SLC39A11: variants seen among roughly 807,000 people sequenced by gnomAD.
SLC39A11 encodes the protein zinc transporter ZIP11.
Under a neutral mutation model 36.1 loss-of-function variants are expected in SLC39A11, and 33 were observed. That is an observed-to-expected ratio of 0.91 (90% CI 0.69 to 1.22). The LOEUF (loss-of-function observed/expected upper bound fraction) is 1.22, where lower values mean the gene tolerates loss of function less well. Among genes scored for constraint, SLC39A11 ranks in the 50% most tolerant of loss-of-function variants. SLC39A11 has a pLI of 0.00. For missense variants in SLC39A11, 432 were observed against 430.3 expected (o/e 1.00, Z -0.03); for synonymous variants, 166 against 170.3 (o/e 0.97, Z 0.20).
At chr17:72,788,215 C>T (rs1052836412) in intron 6 of SLC39A11, among the ~76,000 whole-genome samples, 3 of 152,200 alleles carry the variant, frequency 2.0e-5, no homozygotes, top group Admixed American at 6.5e-5. Flanking sequence ...ACATCCTGGA[C>T]CCCTCGACCA....
chr17:73,004,232 A>AAAGAAAGAAAGAAAGAAAGAAAG lies in SLC39A11; in HGVS notation c.306+27323_306+27324insCTTTCTTTCTTTCTTTCTTTCTT. ...GAAAGAAAGAAAGAAAGAAAGAAAG[A>AAAGAAAGAAAGAAAGAAAGAAAG]AAAGAAAGAAAGAGAAAAAGCAAGC... On this transcript the variant is annotated intron_variant, in intron 4 of 9. Transcript: ENST00000255559. Among the ~76,000 whole-genome samples the AAAGAAAGAAAGAAAGAAAGAAAG allele has an allele frequency of 2.1e-4, 19 of 88,708 alleles. 1 individual carries two copies. The highest frequency in any genetic ancestry group is 8.0e-4 in the African/African-American group (19 of 23,714). 58.2% of individuals were successfully genotyped at this position (88,708 alleles called of 152,430 possible).
intron 6 of SLC39A11, among the ~76,000 whole-genome samples, chr17:72,786,727 T>A (rs536398391): frequency 2.9e-4 from 44 of 152,216 alleles, no homozygotes; most frequent in African/African-American, 1.0e-3. Flanking sequence ...GATTAAGGGA[T>A]TCTTGTACTG....
chr17:73,026,515 A>T (rs2058558935), intron 4 of SLC39A11, among the ~76,000 whole-genome samples: 3 of 130,628 alleles, frequency 2.3e-5, no homozygotes. Context: ...GCGAAACTAC[A>T]TCAAAAAAAA....
chr17:72,716,969 A>G (rs1213869328), intron 7 of SLC39A11, among the ~76,000 whole-genome samples: 1 of 82,522 alleles, frequency 1.2e-5, no homozygotes, highest in African/African-American at 1.1e-4. Context: ...ACCCTGTCTC[A>G]AAAAAAAAAA....
chr17:72,661,176 C>G lies in SLC39A11; in HGVS notation c.672-11908G>C, dbSNP rs544786187. ...TCCCTTAGTCCAAAGCCAGTGGTCA[C>G]TCTCAAAGCTCACTGTTGCACAATT... On this transcript the variant is annotated intron_variant, in intron 7 of 9. Coordinates refer to ENST00000255559, the MANE Select transcript of SLC39A11 (RefSeq NM_139177.4). Among the ~76,000 whole-genome samples the G allele has an allele frequency of 4.9e-4, 74 of 152,318 alleles. No individual in the cohort carries two copies. In the South Asian group the frequency reaches 0.015, roughly 31 times the overall value.
chr17:73,053,352 G>A (rs1265053795), intron 3 of SLC39A11, among the ~76,000 whole-genome samples: 1 of 151,980 alleles, frequency 6.6e-6, no homozygotes, highest in African/African-American at 2.4e-5. Flanking sequence ...GATAAAAGAG[G>A]TAAGTAGTAA....
chr17:72,821,161 T>C (rs1236322064), intron 6 of SLC39A11, among the ~76,000 whole-genome samples: 1 of 150,518 alleles, frequency 6.6e-6, no homozygotes, highest in Non-Finnish European at 1.5e-5. Context: ...GAGATCATCA[T>C]GCAGTAGGGT....
At chr17:72,906,371 G>A (rs1378620832) in intron 5 of SLC39A11, among the ~76,000 whole-genome samples, 1 of 152,278 alleles carries the variant, frequency 6.6e-6, no homozygotes, top group African/African-American at 2.4e-5. Context: ...CACCACGGGT[G>A]AGAAGGACAC....
chr17:72,697,303 G>A (rs191667615), intron 7 of SLC39A11, among the ~76,000 whole-genome samples: 2 of 152,230 alleles, frequency 1.3e-5, no homozygotes, highest in African/African-American at 4.8e-5. Context: ...GGCTGGTCTC[G>A]AACTCCTGAA....
At chr17:72,821,401 G>C (rs1333472990) in intron 6 of SLC39A11, among the ~76,000 whole-genome samples, 1 of 149,484 alleles carries the variant, frequency 6.7e-6, no homozygotes, top group East Asian at 1.9e-4. Context: ...AGCTACTCAG[G>C]AGGCGGAGGC....
intron 6 of SLC39A11, among the ~76,000 whole-genome samples, chr17:72,738,319 T>C (rs962697145): frequency 3.3e-5 from 5 of 152,172 alleles, no homozygotes; most frequent in Admixed American, 6.5e-5. Flanking sequence ...AGCATTTTTA[T>C]ATGACTGCTC....
intron 4 of SLC39A11, among the ~76,000 whole-genome samples, chr17:72,961,369 C>G (rs1235969578): frequency 6.9e-6 from 1 of 144,130 alleles, no homozygotes; most frequent in Admixed American, 6.8e-5. Flanking sequence ...ACCATTTGAC[C>G]CAGCAATCCC....
At chr17:73,020,867 G>A (rs1031172116) in intron 4 of SLC39A11, among the ~76,000 whole-genome samples, 6 of 151,862 alleles carry the variant, frequency 4.0e-5, no homozygotes, top group African/African-American at 1.5e-4. Flanking sequence ...ACTTTTAGTA[G>A]AGACAGGGTT....
intron 6 of SLC39A11, among the ~76,000 whole-genome samples, chr17:72,795,382 T>G (rs1394828619): frequency 6.6e-6 from 1 of 152,070 alleles, no homozygotes; most frequent in African/African-American, 2.4e-5. Context: ...ACAGGGCTGC[T>G]GATAACATGG....
rs2070349471 is a variant in SLC39A11, at chr17:72,660,254, A to G, written c.672-10986T>C. Among the ~76,000 whole-genome samples the G allele has an allele frequency of 2.0e-5, 3 of 152,136 alleles. No individual in the cohort carries two copies. In the South Asian group the frequency reaches 6.2e-4, roughly 32 times the overall value. ...TTGAAACCAGCTCAAGTCTTTCATTACCGCACCCATCAGAGGCAGCCCGAG... is the reference window on the plus strand; with the variant it reads ...TTGAAACCAGCTCAAGTCTTTCATTGCCGCACCCATCAGAGGCAGCCCGAG... On this transcript the variant is annotated intron_variant, in intron 7 of 9. Coordinates refer to ENST00000255559, the MANE Select transcript of SLC39A11 (RefSeq NM_139177.4).
At chr17:73,035,942 A>C (rs773497997) in intron 3 of SLC39A11, among the ~76,000 whole-genome samples, 8 of 151,884 alleles carry the variant, frequency 5.3e-5, no homozygotes, top group Non-Finnish European at 1.0e-4. Context: ...CTATAGTCAG[A>C]AAGAGATTGA....
chr17:72,799,045 T>C (rs2076994845), intron 6 of SLC39A11, among the ~76,000 whole-genome samples: 1 of 151,176 alleles, frequency 6.6e-6, no homozygotes. Flanking sequence ...ACTTGTGCAC[T>C]TGGACGTGAG....
chr17:72,744,018 G>A (rs1185826128), intron 6 of SLC39A11, among the ~76,000 whole-genome samples: 1 of 152,164 alleles, frequency 6.6e-6, no homozygotes, highest in Non-Finnish European at 1.5e-5. Context: ...GCTGGAAGGC[G>A]GCTCTGCCTG....
chr17:72,889,873 G>A (rs2081634146), intron 5 of SLC39A11, among the ~76,000 whole-genome samples: 2 of 152,174 alleles, frequency 1.3e-5, no homozygotes, highest in Admixed American at 1.3e-4. Flanking sequence ...GAGTAGCATG[G>A]CTTGAGTATC....
Sources: gnomAD v4.1 joint callset for allele counts (sites outside exome capture counted in the v4.1 genomes callset) on GRCh38, gnomAD v4.1.1 for gene constraint, MANE v1.5 for transcripts, NCBI Gene and HGNC (gene_info 2026-07-23, HGNC 2026-07-21) for gene names.